The following RAB38 variants were observed in gnomAD, a reference collection of about 807,000 sequenced individuals.
The protein encoded by RAB38 is ras-related protein Rab-38.
In RAB38, 15 loss-of-function variants were observed where a neutral mutation model predicts 18.4. The observed-to-expected ratio is 0.82, with a 90% CI of 0.55 to 1.26. RAB38 has a LOEUF of 1.26. Ranked by LOEUF, RAB38 falls within the 50% of genes most tolerant of loss-of-function variation. The pLI, the probability that RAB38 is intolerant of heterozygous loss-of-function variation, is 0.00. For synonymous variants in RAB38, 101 were observed against 104.4 expected, an observed-to-expected ratio of 0.97 and a Z score of 0.20; for missense variants, 294 against 267.4, an observed-to-expected ratio of 1.10 and a Z score of -0.69.
chr11:88,116,436 AC>A (rs1330295226), intron 2 of RAB38, among the ~76,000 whole-genome samples: 1 of 152,138 alleles, frequency 6.6e-6, no homozygotes, highest in African/African-American at 2.4e-5. Flanking sequence ...ACAAAATTAT[AC>A]CCCAAATACC....
chr11:87,976,171 T>C, the RAB38 span, among the ~76,000 whole-genome samples: 70 of 147,790 alleles, frequency 4.7e-4, no homozygotes, highest in African/African-American at 1.5e-3. Flanking sequence ...TTTATGTATA[T>C]AGGTATATAT....
chr11:88,173,680 C>T, intron 1 of RAB38: 1 of 984,854 alleles, frequency 1.0e-6, no homozygotes, highest in Non-Finnish European at 1.2e-6. Context: ...GGTTTTCAGA[C>T]ATTATGACAT....
chr11:87,884,930 T>C, the RAB38 span, among the ~76,000 whole-genome samples: 1 of 151,930 alleles, frequency 6.6e-6, no homozygotes, highest in Admixed American at 6.6e-5. Context: ...GTAGAACATT[T>C]AACTGTGGGT....
At chr11:88,157,269 C>A (rs548854569) in intron 1 of RAB38, among the ~76,000 whole-genome samples, 1 of 152,234 alleles carries the variant, frequency 6.6e-6, no homozygotes, top group South Asian at 2.1e-4. Flanking sequence ...TAATAATAAA[C>A]GGCTCAATTC....
At chr11:87,945,687 A>T in the RAB38 span, among the ~76,000 whole-genome samples, 3 of 152,178 alleles carry the variant, frequency 2.0e-5, no homozygotes, top group Non-Finnish European at 2.9e-5. Context: ...AACCAGCATA[A>T]GCTGATCATA....
At chr11:87,944,239 T>C in the RAB38 span, among the ~76,000 whole-genome samples, 1 of 152,134 alleles carries the variant, frequency 6.6e-6, no homozygotes, top group African/African-American at 2.4e-5. Flanking sequence ...TAGTCCTGCT[T>C]GATGCAGGGT....
the RAB38 span, among the ~76,000 whole-genome samples, chr11:87,932,371 A>C: frequency 2.6e-5 from 4 of 152,062 alleles, no homozygotes; most frequent in East Asian, 7.7e-4. Flanking sequence ...TGCCACCAGA[A>C]GGGAGAGAAA....
chr11:88,026,562 C>CAAAAAAAA, the RAB38 span, among the ~76,000 whole-genome samples: 2 of 54,250 alleles, frequency 3.7e-5, no homozygotes, highest in Non-Finnish European at 3.4e-5. Flanking sequence ...GACTCTGTCA[C>CAAAAAAAA]AAAAAAAAAA....
the RAB38 span, among the ~76,000 whole-genome samples, chr11:87,932,439 A>T: frequency 1.3e-5 from 2 of 152,038 alleles, no homozygotes; most frequent in Non-Finnish European, 2.9e-5. Context: ...GGTTTCTAAC[A>T]TGTCTGGGTA....
At chr11:88,174,958 G>A (rs1943365232) in intron 1 of RAB38, among the ~76,000 whole-genome samples, 1 of 152,252 alleles carries the variant, frequency 6.6e-6, no homozygotes, top group South Asian at 2.1e-4. Context: ...AGATCCCAGG[G>A]GACTGTGCGG....
chr11:87,884,565 G>A, the RAB38 span, among the ~76,000 whole-genome samples: 678 of 151,990 alleles, frequency 4.5e-3, 2 homozygotes, highest in African/African-American at 0.016. Context: ...TTAGTAAGCA[G>A]GAAAACACTG....
the RAB38 span, among the ~76,000 whole-genome samples, chr11:87,938,079 G>C: frequency 6.6e-6 from 1 of 151,902 alleles, no homozygotes; most frequent in South Asian, 2.1e-4. Context: ...TAAACCTTCC[G>C]TTTTAGCTCG....
chr11:88,066,856 C>A, the RAB38 span, among the ~76,000 whole-genome samples: 1 of 152,174 alleles, frequency 6.6e-6, no homozygotes, highest in East Asian at 1.9e-4. Flanking sequence ...TTTTCAAATG[C>A]TTACAAACCC....
chr11:87,972,809 G>C, the RAB38 span, among the ~76,000 whole-genome samples: 1 of 152,016 alleles, frequency 6.6e-6, no homozygotes, highest in South Asian at 2.1e-4. Context: ...GTTTGGACTT[G>C]TGTCCCCACT....
the RAB38 span, among the ~76,000 whole-genome samples, chr11:88,074,831 C>T: frequency 6.6e-6 from 1 of 152,054 alleles, no homozygotes; most frequent in South Asian, 2.1e-4. Context: ...TATAAAGACT[C>T]ATATAGACTG....
chr11:87,930,518 C>G, the RAB38 span, among the ~76,000 whole-genome samples: 1 of 152,088 alleles, frequency 6.6e-6, no homozygotes, highest in Non-Finnish European at 1.5e-5. Context: ...TCTAGGTTGC[C>G]TGTTCACTCT....
the RAB38 span, among the ~76,000 whole-genome samples, chr11:88,052,976 T>C: frequency 1.6e-5 from 2 of 122,134 alleles, no homozygotes; most frequent in African/African-American, 6.2e-5. Context: ...GATATATATG[T>C]TATATATATG....
the RAB38 span, among the ~76,000 whole-genome samples, chr11:87,977,505 G>C: frequency 1.4e-4 from 12 of 85,312 alleles, no homozygotes; most frequent in East Asian, 9.8e-4. Context: ...AATTTTATAT[G>C]ATTATGTAAT....
chr11:88,085,111 C>G, the RAB38 span, among the ~76,000 whole-genome samples: 2 of 151,778 alleles, frequency 1.3e-5, no homozygotes, highest in Non-Finnish European at 2.9e-5. Context: ...TTACTAGAAC[C>G]TGGAGAAACA....
Sources: gnomAD v4.1 joint callset for allele counts (sites outside exome capture counted in the v4.1 genomes callset) on GRCh38, gnomAD v4.1.1 for gene constraint, MANE v1.5 for transcripts, NCBI Gene and HGNC (gene_info 2026-07-23, HGNC 2026-07-21) for gene names.